The following CELF5 variants were observed in gnomAD, a reference collection of about 807,000 sequenced individuals.
CELF5 encodes the protein CUG-BP and ETR-3 like factor 5.
A neutral mutation model predicts 54.9 loss-of-function variants in CELF5; 6 were observed. The observed-to-expected ratio is 0.11, with a 90% CI of 0.06 to 0.22. The LOEUF (loss-of-function observed/expected upper bound fraction) is 0.22, where lower values mean the gene tolerates loss of function less well. CELF5 is among the 10% of genes least tolerant of loss of function. The pLI is 1.00. For missense variants in CELF5, 401 were observed against 678.6 expected, an observed-to-expected ratio of 0.59 and a Z score of 4.54; for synonymous variants, 271 against 290.9, an observed-to-expected ratio of 0.93 and a Z score of 0.70.
At chr19:3,276,174 C>A (rs1473531952) in intron 4 of CELF5, among the ~76,000 whole-genome samples, 190 bp downstream of exon 4, 5 of 37,108 alleles carry the variant, frequency 1.3e-4, no homozygotes, top group East Asian at 1.1e-3. Flanking sequence ...TGGAGAGGGG[C>A]GGAATTGCAG....
rs79276069 is a variant in CELF5, at chr19:3,257,183, G to A, written c.342+6116G>A. 6.7e-3 allele frequency among the ~76,000 whole-genome samples: 1,023 copies of A among 152,306 alleles called. 12 individuals carry two copies. The highest frequency in any genetic ancestry group is 0.023 in the African/African-American group (952 of 41,566). On this transcript the variant is annotated intron_variant, in intron 2 of 12. Coordinates refer to ENST00000292672, the MANE Select transcript of CELF5 (RefSeq NM_021938.4). ...GAGATGGCCTGGAGAGGAGGAAGCC[G>A]TGCACTCTCTGCAGGAAGGGCGTTT...
At chr19:3,273,262 C>T (rs1047532402) in intron 2 of CELF5, among the ~76,000 whole-genome samples, 3 of 152,090 alleles carry the variant, frequency 2.0e-5, no homozygotes, top group Admixed American at 2.0e-4. Flanking sequence ...CAAGCAGCTG[C>T]AGTCAGCTGA....
chr19:3,246,022 C>T (rs145136793), intron 1 of CELF5, among the ~76,000 whole-genome samples: 1 of 152,316 alleles, frequency 6.6e-6, no homozygotes, highest in East Asian at 1.9e-4. Context: ...AAACACACGC[C>T]TGTCTTATGC....
rs755065241 is a variant in CELF5, at chr19:3,282,366, C to G, written c.907C>G (p.Pro303Ala). ...CCGCTCTGCAGGGCTGCACTCACCCCCGCTGCTGGGCACCACCGCTGTGCC... is the reference window on the plus strand; with the variant it reads ...CCGCTCTGCAGGGCTGCACTCACCCGCGCTGCTGGGCACCACCGCTGTGCC... ...IAPASGLHSPPLLGTTAVPGL... is the reference protein window; with the variant it reads ...IAPASGLHSPALLGTTAVPGL... Residue 303 changes from proline (P) to alanine (A), a missense_variant, in exon 8 of 13, where the codon CCG becomes GCG. Around this residue, in one of 6 missense-constraint regions of CELF5, gnomAD observed 143 missense variants for 147.6 expected, o/e 0.97. Coordinates refer to ENST00000292672, the MANE Select transcript of CELF5 (RefSeq NM_021938.4). This position sits in a 1 kb window ranked among gnomAD's most constrained non-coding sequence, Gnocchi z 5.2. 6.2e-7 allele frequency: 1 copy of G among 1,609,884 alleles called. No homozygotes were observed. Among genetic ancestry groups the G allele is most frequent in the African/African-American group, 1.3e-5 (1 of 74,938 alleles).
chr19:3,241,884 C>T (rs1362968381), intron 1 of CELF5, among the ~76,000 whole-genome samples: 3 of 152,150 alleles, frequency 2.0e-5, no homozygotes, highest in South Asian at 2.1e-4. Context: ...GAGCAATTCT[C>T]CTGCCTCAAC....
At position 3,275,636 on chromosome 19, in the gene CELF5, G is replaced by C. The variant is rs1157368517; in HGVS notation, c.395-220G>C. Among the ~76,000 whole-genome samples the C allele has an allele frequency of 1.3e-5, 2 of 152,182 alleles. No individual in the cohort carries two copies. The highest frequency in any genetic ancestry group is 4.8e-5 in the African/African-American group (2 of 41,446). Reference sequence around the variant, plus strand: ...CGGGGGCGCCACCTGGGCAAAGGCCGGGAGATGGGAGCGTGCAGGGCCCGT... The same window carrying C: ...CGGGGGCGCCACCTGGGCAAAGGCCCGGAGATGGGAGCGTGCAGGGCCCGT... On this transcript the variant is annotated intron_variant, in intron 3 of 12. Transcript: ENST00000292672. The surrounding 1 kb of genome is among the most constrained non-coding windows in gnomAD (Gnocchi z 6.7).
chr19:3,248,922 CTTTCT>C (rs574151142), intron 1 of CELF5, among the ~76,000 whole-genome samples: 2,169 of 118,808 alleles, frequency 0.018, 63 homozygotes, highest in East Asian at 0.14. Flanking sequence ...TTCTTTCTTT[CTTTCT>C]TTTCTTTTCT....
chr19:3,238,807 T>G (rs2079451944), intron 1 of CELF5, among the ~76,000 whole-genome samples: 1 of 152,138 alleles, frequency 6.6e-6, no homozygotes, highest in African/African-American at 2.4e-5. Context: ...GGCGGGTGCC[T>G]GTAATCCCAG....
chr19:3,284,899 C>T lies in CELF5; in HGVS notation c.1040-3C>T, dbSNP rs1399217868. 5 of 1,612,532 alleles carry T rather than the reference C, an allele frequency of 3.1e-6. No homozygotes were observed. Among genetic ancestry groups the T allele is most frequent in the Non-Finnish European group, 4.2e-6 (5 of 1,179,382 alleles). On this transcript the variant is annotated splice_region_variant and splice_polypyrimidine_tract_variant and intron_variant, in intron 8 of 12. Transcript: ENST00000292672. ...CCCACTCAGCCCCTCTGTCTGCCCGCAGCTCAGAGCCCGACTGTGGCCGAG... is the reference window on the plus strand; with the variant it reads ...CCCACTCAGCCCCTCTGTCTGCCCGTAGCTCAGAGCCCGACTGTGGCCGAG...
At chr19:3,233,685 G>A (rs1917380633) in intron 1 of CELF5, among the ~76,000 whole-genome samples, 1 of 152,186 alleles carries the variant, frequency 6.6e-6, no homozygotes, top group African/African-American at 2.4e-5. Flanking sequence ...GGGGGAGAGA[G>A]GGAGGAGAAG....
chr19:3,277,454 G>A (rs1424992940), intron 4 of CELF5, among the ~76,000 whole-genome samples: 1 of 152,122 alleles, frequency 6.6e-6, no homozygotes, highest in African/African-American at 2.4e-5. Flanking sequence ...CCTGGGTGAC[G>A]GAGCAAGACT....
intron 2 of CELF5, among the ~76,000 whole-genome samples, chr19:3,251,926 C>T (rs531320404): frequency 2.6e-5 from 4 of 152,048 alleles, no homozygotes; most frequent in African/African-American, 9.7e-5. Flanking sequence ...CTGCACACCT[C>T]GGCCTCCCAA....
chr19:3,243,276 T>A (rs1568334116), intron 1 of CELF5, among the ~76,000 whole-genome samples: 1 of 151,740 alleles, frequency 6.6e-6, no homozygotes, highest in Non-Finnish European at 1.5e-5. Context: ...ATCAATGGAG[T>A]TTTTTTGAGA....
chr19:3,233,689 G>A (rs1195265027), intron 1 of CELF5, among the ~76,000 whole-genome samples: 1 of 152,188 alleles, frequency 6.6e-6, no homozygotes, highest in Non-Finnish European at 1.5e-5. Context: ...GAGAGAGGGA[G>A]GAGAAGAGGG....
At chr19:3,249,269 C>G (rs942097795) in intron 1 of CELF5, among the ~76,000 whole-genome samples, 2 of 152,134 alleles carry the variant, frequency 1.3e-5, no homozygotes, top group Admixed American at 6.5e-5. Flanking sequence ...ACCACTCAGT[C>G]CCCTGTATCC....
intron 2 of CELF5, among the ~76,000 whole-genome samples, chr19:3,263,485 C>T (rs930088903): frequency 7.9e-5 from 12 of 151,976 alleles, no homozygotes; most frequent in Non-Finnish European, 1.3e-4. Flanking sequence ...CGCTTGAACC[C>T]GGGAGACGGA....
At chr19:3,246,816 T>A (rs2145044516) in intron 1 of CELF5, among the ~76,000 whole-genome samples, 1 of 152,330 alleles carries the variant, frequency 6.6e-6, no homozygotes, top group East Asian at 1.9e-4. Flanking sequence ...GGATAAGCAA[T>A]TTTTAGTGTA....
At chr19:3,234,890 C>T (rs1035108154) in intron 1 of CELF5, among the ~76,000 whole-genome samples, 23 of 152,202 alleles carry the variant, frequency 1.5e-4, no homozygotes, top group Non-Finnish European at 2.9e-4. Flanking sequence ...CTCCCACCTT[C>T]GCGCCCCACA....
Position 3,268,120 on chromosome 19 carries a change from T to A in CELF5, c.343-5752T>A, listed in dbSNP as rs543672182. On this transcript the variant is annotated intron_variant, in intron 2 of 12. Transcript: ENST00000292672. The surrounding 1 kb of genome is among the most constrained non-coding windows in gnomAD (Gnocchi z 4.4). ...TTCAAGCAATTCTTCTGCCTCAGCC[T>A]CCCGAGTAGCTGGGATTACAGGTGC... is the stretch of plus-strand genomic sequence containing the variant. 4.6e-5 allele frequency among the ~76,000 whole-genome samples: 7 copies of A among 152,256 alleles called. No individual in the cohort carries two copies. The highest frequency in any genetic ancestry group is 1.4e-4 in the African/African-American group (6 of 41,544).
Sources: allele counts gnomAD v4.1 joint callset (sites outside exome capture counted in the v4.1 genomes callset), GRCh38; gene constraint gnomAD v4.1.1; regional missense constraint gnomAD v4.1.1; non-coding constraint Gnocchi (gnomAD v3.1); transcripts MANE v1.5; gene names NCBI Gene and HGNC (gene_info 2026-07-23, HGNC 2026-07-21).